Variants in ARHGEF7 observed in about 807,000 individuals in gnomAD.
The protein encoded by ARHGEF7 is Rho guanine nucleotide exchange factor 7, also known as PAK-interacting exchange factor beta.
Under a neutral mutation model 109.8 loss-of-function variants are expected in ARHGEF7, and 33 were observed. That is an observed-to-expected ratio of 0.30 (90% confidence interval 0.23 to 0.40). The LOEUF (loss-of-function observed/expected upper bound fraction) is 0.40. ARHGEF7 is among the 10% of genes least tolerant of loss of function. The pLI is 1.00. For synonymous variants in ARHGEF7, 458 were observed against 424.6 expected (o/e 1.08, Z -0.97); for missense variants, 938 against 1,098.5 (o/e 0.85, Z 2.07).
chr13:111,288,302 T>A, intron 17 of ARHGEF7, 52 bp from the exon 18 acceptor site: 1 of 1,265,642 alleles, frequency 7.9e-7, no homozygotes, highest in Non-Finnish European at 1.1e-6. Flanking sequence ...TCTCGCCAGT[T>A]GCCCTAGAGG....
At chr13:111,193,924 A>C (rs9588378) in intron 2 of ARHGEF7, among the ~76,000 whole-genome samples, 6,923 of 152,280 alleles carry the variant, frequency 0.045, 211 homozygotes, top group South Asian at 0.12. Context: ...ACATATTTGA[A>C]GCACTGGTCC....
chr13:111,201,969 A>T (rs766875800), intron 2 of ARHGEF7, among the ~76,000 whole-genome samples: 2 of 152,186 alleles, frequency 1.3e-5, no homozygotes. Context: ...TGTAGTTTCT[A>T]TTGAGAGCAA....
intron 5 of ARHGEF7, among the ~76,000 whole-genome samples, chr13:111,231,096 T>C (rs540386428): frequency 1.3e-5 from 2 of 152,206 alleles, no homozygotes; most frequent in Non-Finnish European, 2.9e-5. Context: ...CCGGCACACA[T>C]GCTGACGTGC....
chr13:111,115,073 C>A (rs2066645155), upstream of ARHGEF7: 1 of 150,882 alleles, frequency 6.6e-6, no homozygotes, highest in Non-Finnish European at 1.5e-5. Flanking sequence ...CGCAGGTGCG[C>A]GCCCGCCCCC....
chr13:111,155,879 C>G (rs2076280908), intron 2 of ARHGEF7, among the ~76,000 whole-genome samples: 1 of 152,020 alleles, frequency 6.6e-6, no homozygotes, highest in African/African-American at 2.4e-5. Context: ...AGTTCGAGAC[C>G]AGCCTGGCCA....
chr13:111,292,106 C>T lies in ARHGEF7; in HGVS notation c.2135-12C>T, dbSNP rs189491807. The stretch of plus-strand genomic sequence containing the variant: ...TGCCTGTCGCGCCTGTCCCTCCGCC[C>T]GCCCGTCTTAGCATGGCAAGGCACT... On this transcript the variant is annotated splice_polypyrimidine_tract_variant and intron_variant, in intron 18 of 21. Coordinates refer to ENST00000646102, the MANE Select transcript of ARHGEF7 (RefSeq NM_001354046.2). 1,554 of 1,609,858 alleles carry T rather than the reference C, an allele frequency of 9.7e-4. No homozygotes were observed. The highest frequency in any genetic ancestry group is 1.2e-3 in the Non-Finnish European group (1,440 of 1,177,996).
At chr13:111,233,764 A>G (rs187820550) in intron 6 of ARHGEF7, among the ~76,000 whole-genome samples, 90 of 152,306 alleles carry the variant, frequency 5.9e-4, no homozygotes, top group African/African-American at 2.0e-3. Flanking sequence ...TTAGGGGAGC[A>G]TGTCTAAACG....
rs1474298756 is a variant in ARHGEF7, at chr13:111,258,631, C to G, written c.951-8917C>G. Among the ~76,000 whole-genome samples the G allele has an allele frequency of 6.6e-6, 1 of 152,140 alleles. No individual in the cohort carries two copies. Among genetic ancestry groups the G allele is most frequent in the African/African-American group, 2.4e-5 (1 of 41,418 alleles). ...GTCTTGCATGAGACTCAAAGACGAGCTGGCTTCAAATGTGACCCAGAGCAC... is the reference window on the plus strand; with the variant it reads ...GTCTTGCATGAGACTCAAAGACGAGGTGGCTTCAAATGTGACCCAGAGCAC... On this transcript the variant is annotated intron_variant, in intron 8 of 21. Transcript: ENST00000646102. The surrounding 1 kb of genome is among the most constrained non-coding windows in gnomAD (Gnocchi z 4.4).
intron 4 of ARHGEF7, among the ~76,000 whole-genome samples, chr13:111,211,793 A>C (rs1226899595): frequency 6.6e-6 from 1 of 152,196 alleles, no homozygotes; most frequent in East Asian, 1.9e-4. Context: ...CATTCCTTTG[A>C]AGCTGGGCAG....
At chr13:111,261,399 A>G (rs552650076) in intron 8 of ARHGEF7, among the ~76,000 whole-genome samples, 43 of 152,362 alleles carry the variant, frequency 2.8e-4, no homozygotes, top group Admixed American at 7.2e-4. Context: ...AAAGGGGTCA[A>G]TTCAGCAAGA....
At chr13:111,157,775 A>G (rs1402349613) in intron 2 of ARHGEF7, among the ~76,000 whole-genome samples, 1 of 152,142 alleles carries the variant, frequency 6.6e-6, no homozygotes, top group Non-Finnish European at 1.5e-5. Flanking sequence ...TAGCTACTGT[A>G]GGATGTGTAT....
At chr13:111,121,265 C>T (rs2067179197) in intron 1 of ARHGEF7, among the ~76,000 whole-genome samples, 1 of 152,228 alleles carries the variant, frequency 6.6e-6, no homozygotes, top group South Asian at 2.1e-4. Flanking sequence ...GTGTCTGGGC[C>T]TTTCTCCCCG....
At chr13:111,177,280 T>G (rs1242894606) in intron 2 of ARHGEF7, among the ~76,000 whole-genome samples, 1 of 152,228 alleles carries the variant, frequency 6.6e-6, no homozygotes, top group East Asian at 1.9e-4. Flanking sequence ...ACTTCCTGTC[T>G]CTGTGCCTGC....
At chr13:111,229,837 G>A (rs965701201) in intron 5 of ARHGEF7, among the ~76,000 whole-genome samples, 2 of 152,166 alleles carry the variant, frequency 1.3e-5, no homozygotes, top group African/African-American at 2.4e-5. Flanking sequence ...AAGCAGGTGC[G>A]GGCTCTGGGT....
chr13:111,272,395 G>A lies in ARHGEF7; in HGVS notation c.1074-1419G>A, dbSNP rs1451343978. Among the ~76,000 whole-genome samples the A allele has an allele frequency of 1.3e-5, 2 of 152,222 alleles. No homozygotes were observed. The highest frequency in any genetic ancestry group is 2.4e-5 in the African/African-American group (1 of 41,452). ...CAGTAGCCAGCTTGGCTGGGGTGGT[G>A]CGGTGGGAGGCTCCTGTGAGACCAG... On this transcript the variant is annotated intron_variant, in intron 9 of 21. Coordinates refer to ENST00000646102, the MANE Select transcript of ARHGEF7 (RefSeq NM_001354046.2). The surrounding 1 kb of genome is among the most constrained non-coding windows in gnomAD (Gnocchi z 5.2).
At chr13:111,275,701 A>C in intron 12 of ARHGEF7, 23 bp downstream of exon 12, 1 of 1,613,942 alleles carries the variant, frequency 6.2e-7, no homozygotes, top group African/African-American at 1.3e-5. Flanking sequence ...ACATGCACGC[A>C]CCAGGGTTTC....
chr13:111,268,273 T>G (rs1046153204), intron 9 of ARHGEF7, among the ~76,000 whole-genome samples: 2 of 152,182 alleles, frequency 1.3e-5, no homozygotes, highest in African/African-American at 4.8e-5. Context: ...GTTTGAGGAT[T>G]GGCTTGGAGG....
intron 9 of ARHGEF7, among the ~76,000 whole-genome samples, chr13:111,271,644 T>A (rs1023278872): frequency 6.6e-6 from 1 of 152,168 alleles, no homozygotes. Flanking sequence ...GCGTGCGTGC[T>A]CTCTCTCACA....
At chr13:111,249,676 A>G (rs929615997) in intron 8 of ARHGEF7, among the ~76,000 whole-genome samples, 1 of 152,152 alleles carries the variant, frequency 6.6e-6, no homozygotes, top group Non-Finnish European at 1.5e-5. Context: ...GTGAGATACA[A>G]TAGAACTCGG....
Sources: allele counts gnomAD v4.1 joint callset (sites outside exome capture counted in the v4.1 genomes callset), GRCh38; gene constraint gnomAD v4.1.1; non-coding constraint Gnocchi (gnomAD v3.1); transcripts MANE v1.5; gene names NCBI Gene and HGNC (gene_info 2026-07-23, HGNC 2026-07-21).